AGBL1: variants seen among roughly 807,000 people sequenced by gnomAD.
AGBL1 encodes the protein cytosolic carboxypeptidase 4.
AGBL1 carries 130 observed loss-of-function variants against 118.9 expected under a neutral mutation model. The ratio of observed to expected loss-of-function variants is 1.09; its 90% CI spans 0.95 to 1.26. The LOEUF (loss-of-function observed/expected upper bound fraction) is 1.26. Ranked by LOEUF, AGBL1 falls within the 50% of genes most tolerant of loss-of-function variation. The pLI, the probability that AGBL1 is intolerant of heterozygous loss-of-function variation, is 0.00. For missense variants in AGBL1, 1,584 were observed against 1,298.1 expected (o/e 1.22, Z -3.38); for synonymous variants, 555 against 478.9 (o/e 1.16, Z -2.08).
intron 18 of AGBL1, among the ~76,000 whole-genome samples, chr15:86,462,312 C>T (rs2082344245): frequency 6.6e-6 from 1 of 152,120 alleles, no homozygotes; most frequent in South Asian, 2.1e-4. Context: ...CATCTGTCAT[C>T]TACACAGACA....
At chr15:86,582,798 G>A (rs1367238352) in intron 21 of AGBL1, among the ~76,000 whole-genome samples, 1 of 150,712 alleles carries the variant, frequency 6.6e-6, no homozygotes. Flanking sequence ...ACTCATAGGT[G>A]GGAATTGAAC....
Position 86,916,037 on chromosome 15 carries a change from A to G in AGBL1, c.*8743A>G, listed in dbSNP as rs917354207. On this transcript the variant is annotated 3_prime_UTR_variant, in exon 23 of 23. Transcript: ENST00000614907. ...CAGAAAAGGGCCTTGTTTTCCAATC[A>G]CCGACTGTCCTGTCTACATTAGCAT... is the stretch of plus-strand genomic sequence containing the variant. The G allele has an allele frequency of 6.6e-6, 1 of 152,134 alleles. No individual in the cohort carries two copies. Among genetic ancestry groups the G allele is most frequent in the African/African-American group, 2.4e-5 (1 of 41,442 alleles). 9.4% of individuals were successfully genotyped at this position (152,134 alleles called of 1,614,324 possible).
intron 23 of AGBL1, among the ~76,000 whole-genome samples, chr15:86,987,695 T>A (rs749601976): frequency 6.6e-6 from 1 of 152,148 alleles, no homozygotes; most frequent in Non-Finnish European, 1.5e-5. Flanking sequence ...TTCCTTTCCT[T>A]TATTCATAAC....
chr15:86,860,004 T>A (rs552264412), intron 22 of AGBL1, among the ~76,000 whole-genome samples: 1 of 152,218 alleles, frequency 6.6e-6, no homozygotes, highest in South Asian at 2.1e-4. Flanking sequence ...TGTTCAGGCA[T>A]CTGATCCCAA....
Position 86,790,476 on chromosome 15 carries a change from G to T in AGBL1, c.3158+116040G>T, listed in dbSNP as rs116343681. Among the ~76,000 whole-genome samples, 255 of 152,206 alleles carry T rather than the reference G, an allele frequency of 1.7e-3. 1 individual carries two copies. Among genetic ancestry groups the T allele is most frequent in the African/African-American group, 5.7e-3 (235 of 41,534 alleles). On this transcript the variant is annotated intron_variant, in intron 22 of 22. Coordinates refer to ENST00000614907, the MANE Select transcript of AGBL1 (RefSeq NM_001386094.1). ...CTTAATAGGTGTTTGAGCTTCCTCAGAGCTTGGTGGGCATCACTATAGGAC... is the reference window on the plus strand; with the variant it reads ...CTTAATAGGTGTTTGAGCTTCCTCATAGCTTGGTGGGCATCACTATAGGAC...
At chr15:86,486,486 C>A (rs899068799) in intron 18 of AGBL1, among the ~76,000 whole-genome samples, 18 of 152,066 alleles carry the variant, frequency 1.2e-4, no homozygotes, top group African/African-American at 4.3e-4. Flanking sequence ...TGTATATTTG[C>A]CTCACTGGCT....
intron 17 of AGBL1, among the ~76,000 whole-genome samples, chr15:86,301,151 A>T (rs1466602311): frequency 6.6e-6 from 1 of 152,190 alleles, no homozygotes; most frequent in Non-Finnish European, 1.5e-5. Flanking sequence ...AACTCAGGCG[A>T]ACTGCAAAAC....
At chr15:86,738,592 C>T (rs2077634584) in intron 22 of AGBL1, among the ~76,000 whole-genome samples, 1 of 152,012 alleles carries the variant, frequency 6.6e-6, no homozygotes, top group Admixed American at 6.6e-5. Flanking sequence ...TTCTGACTCT[C>T]TTCATCCGTT....
rs1201444660 is a variant in AGBL1 at position 86,192,285 on chromosome 15, T to G, written c.489-32629T>G. On this transcript the variant is annotated intron_variant, in intron 5 of 22. Coordinates refer to ENST00000614907, the MANE Select transcript of AGBL1 (RefSeq NM_001386094.1). ...ATCATTTTAATACTGTATATATAATTTTTACATATAATGGAGCATTTTATT... is the reference window on the plus strand; with the variant it reads ...ATCATTTTAATACTGTATATATAATGTTTACATATAATGGAGCATTTTATT... Among the ~76,000 whole-genome samples the G allele has an allele frequency of 2.7e-5, 4 of 150,012 alleles. No individual in the cohort carries two copies. The East Asian group carries it at 7.7e-4, about 29-fold the overall frequency.
At chr15:86,727,723 T>G (rs1337659691) in intron 22 of AGBL1, among the ~76,000 whole-genome samples, 2 of 152,080 alleles carry the variant, frequency 1.3e-5, no homozygotes, top group Non-Finnish European at 2.9e-5. Context: ...ATTTCTCAAT[T>G]TAAAGACTCT....
chr15:86,294,130 G>A (rs891585784), intron 16 of AGBL1, among the ~76,000 whole-genome samples: 1 of 152,060 alleles, frequency 6.6e-6, no homozygotes, highest in Admixed American at 6.6e-5. Flanking sequence ...GGATGTGGTG[G>A]CTCATGGCTG....
At chr15:86,326,521 C>T (rs1242623671) in intron 17 of AGBL1, among the ~76,000 whole-genome samples, 2 of 152,112 alleles carry the variant, frequency 1.3e-5, no homozygotes, top group Non-Finnish European at 2.9e-5. Flanking sequence ...TGATTCATTC[C>T]TTTGGCTAGA....
chr15:87,024,483 C>A (rs559006690), intron 24 of AGBL1, among the ~76,000 whole-genome samples: 1 of 151,860 alleles, frequency 6.6e-6, no homozygotes, highest in East Asian at 1.9e-4. Flanking sequence ...GAAATGGTAA[C>A]GTAAAAATTA....
rs536342778 is a variant in AGBL1 at position 86,748,567 on chromosome 15, A to G, written c.3158+74131A>G. On this transcript the variant is annotated intron_variant, in intron 22 of 22. Coordinates refer to ENST00000614907, the MANE Select transcript of AGBL1 (RefSeq NM_001386094.1). ...TTTTTGCCATTGCTTTTGGTGTTTT[A>G]GAGATGAAGTCCTTGCCCATGCCTA... is the stretch of plus-strand genomic sequence containing the variant. Among the ~76,000 whole-genome samples the G allele has an allele frequency of 4.7e-3, 400 of 84,486 alleles. 3 individuals are homozygous for G. Among genetic ancestry groups the G allele is most frequent in the African/African-American group, 0.016 (384 of 23,578 alleles). The allele number at this position is 84,486 out of a possible 152,430, so 55.4% of individuals were successfully genotyped here. A position where few individuals can be genotyped will look rare whatever the true frequency, so the allele number is the denominator to read the frequency against.
chr15:87,004,831 C>T (rs990447606), intron 24 of AGBL1, among the ~76,000 whole-genome samples: 12 of 152,186 alleles, frequency 7.9e-5, no homozygotes, highest in South Asian at 2.1e-4. Context: ...TGGCTGGTTC[C>T]GGTTGTTCCT....
At chr15:86,639,075 G>A (rs1017118127) in intron 21 of AGBL1, among the ~76,000 whole-genome samples, 2 of 152,168 alleles carry the variant, frequency 1.3e-5, no homozygotes, top group African/African-American at 4.8e-5. Flanking sequence ...AAGCGAGAAG[G>A]CAATAGAGTA....
chr15:86,885,031 TA>T (rs2079950333), intron 22 of AGBL1, among the ~76,000 whole-genome samples: 2 of 152,292 alleles, frequency 1.3e-5, no homozygotes, highest in South Asian at 4.2e-4. Flanking sequence ...ACATCTATTT[TA>T]CAATGCTATT....
At chr15:86,266,914 G>GA in intron 12 of AGBL1, 76 bp from the exon 13 acceptor site, 3 of 1,233,124 alleles carry the variant, frequency 2.4e-6, no homozygotes, top group Non-Finnish European at 3.5e-6. Context: ...AAATAATAAT[G>GA]AAAAAAAGAA....
At chr15:86,436,622 C>T (rs1027631518) in intron 18 of AGBL1, among the ~76,000 whole-genome samples, 1 of 152,158 alleles carries the variant, frequency 6.6e-6, no homozygotes, top group Non-Finnish European at 1.5e-5. Flanking sequence ...GAGACATGAC[C>T]TTTGCTGCCA....
Sources: allele counts gnomAD v4.1 joint callset (sites outside exome capture counted in the v4.1 genomes callset), GRCh38; gene constraint gnomAD v4.1.1; transcripts MANE v1.5; gene names NCBI Gene and HGNC (gene_info 2026-07-23, HGNC 2026-07-21).